The following WDFY4 variants were observed in gnomAD, a reference collection of about 807,000 sequenced individuals.
The protein encoded by WDFY4 is WDFY family member 4, also known as WD repeat- and FYVE domain-containing protein 4.
A neutral mutation model predicts 351.9 loss-of-function variants in WDFY4; 169 were observed. The observed-to-expected ratio is 0.48, with a 90% CI of 0.42 to 0.55. The LOEUF is 0.55. WDFY4 is among the 20% of genes least tolerant of loss of function. The pLI is 0.00. For synonymous variants in WDFY4, 1,622 were observed against 1,574.6 expected, an observed-to-expected ratio of 1.03 and a Z score of -0.71; for missense variants, 3,803 against 3,935.6, an observed-to-expected ratio of 0.97 and a Z score of 0.90.
At chr10:48,916,140 T>C (rs571186470) in intron 47 of WDFY4, among the ~76,000 whole-genome samples, 1 of 152,300 alleles carries the variant, frequency 6.6e-6, no homozygotes, top group East Asian at 1.9e-4. Context: ...AAGAAATCCA[T>C]AACTCAAAGT....
intron 51 of WDFY4, 137 bp downstream of exon 51, chr10:48,947,106 C>A (rs1841086617): frequency 2.7e-6 from 2 of 731,558 alleles, no homozygotes; most frequent in Non-Finnish European, 4.4e-6. Context: ...CAGTGATTCC[C>A]AGTTGACATT....
At chr10:48,893,740 G>A (rs1429522995) in intron 44 of WDFY4, among the ~76,000 whole-genome samples, 2 of 152,158 alleles carry the variant, frequency 1.3e-5, no homozygotes, top group Admixed American at 6.6e-5. Flanking sequence ...GGGCCAAATC[G>A]AAGTATGTTT....
chr10:48,870,976 C>A (rs2069752318), intron 40 of WDFY4, among the ~76,000 whole-genome samples: 1 of 151,966 alleles, frequency 6.6e-6, no homozygotes, highest in Admixed American at 6.6e-5. Context: ...CTCCTTCCCC[C>A]AGGCTGGAGT....
At chr10:48,881,622 A>G (rs1422459513) in intron 43 of WDFY4, among the ~76,000 whole-genome samples, 1 of 152,204 alleles carries the variant, frequency 6.6e-6, no homozygotes, top group Non-Finnish European at 1.5e-5. Flanking sequence ...AGAACATAAG[A>G]AAGCAGGCCC....
intron 47 of WDFY4, among the ~76,000 whole-genome samples, chr10:48,939,225 A>C (rs1290708339): frequency 1.3e-5 from 2 of 152,190 alleles, no homozygotes; most frequent in African/African-American, 4.8e-5. Context: ...TCCTTCCTCC[A>C]AGAGTAGAAA....
In WDFY4 at chr10:48,787,807, C is replaced by CTTCT. The variant is rs1555010320; in HGVS notation, c.3809-722_3809-721insTCTT. ...CCTCTTCCTCCTCCTCCTCCTCCTC[C>CTTCT]TCTTCTTCTTCTTCTTCTTCTTCTT... On this transcript the variant is annotated intron_variant, in intron 20 of 61. Transcript: ENST00000325239. Among the ~76,000 whole-genome samples the CTTCT allele has an allele frequency of 1.8e-3, 135 of 76,732 alleles. 4 individuals carry two copies. The highest frequency in any genetic ancestry group is 0.014 in the Middle Eastern group (2 of 138). The allele number at this position is 76,732 out of a possible 152,430, so 50.3% of individuals were successfully genotyped here.
rs1478392028 is a variant in WDFY4 at position 48,787,950 on chromosome 10, T to TCTC, written c.3809-578_3809-577insCCT. Among the ~76,000 whole-genome samples, 112 of 100,604 alleles carry TCTC rather than the reference T, an allele frequency of 1.1e-3. 2 individuals are homozygous for TCTC. Among genetic ancestry groups the TCTC allele is most frequent in the East Asian group, 0.011 (34 of 3,214 alleles). 66.0% of individuals were successfully genotyped at this position (100,604 alleles called of 152,430 possible). ...TTCTTCTTCTTCTTCTTCTTCTTCT[T>TCTC]CTTCTTCTTCTTCTTCTTCTTCTTC... On this transcript the variant is annotated intron_variant, in intron 20 of 61. Transcript: ENST00000325239.
intron 24 of WDFY4, among the ~76,000 whole-genome samples, chr10:48,802,983 CTT>C (rs1399617690): frequency 1.3e-5 from 2 of 152,330 alleles, no homozygotes; most frequent in East Asian, 3.9e-4. Context: ...AATATGGACA[CTT>C]GGGCTGTGGG....
At chr10:48,928,353 C>CGTGTGT (rs3081490) in intron 47 of WDFY4, among the ~76,000 whole-genome samples, 12,769 of 124,862 alleles carry the variant, frequency 0.1, 847 homozygotes, top group East Asian at 0.16. Flanking sequence ...TTGGTTTTGA[C>CGTGTGT]GTGTGTGTGT....
At chr10:48,819,811 G>A (rs757797360) in intron 32 of WDFY4, among the ~76,000 whole-genome samples, 8 of 152,150 alleles carry the variant, frequency 5.3e-5, no homozygotes, top group African/African-American at 1.7e-4. Flanking sequence ...GATGGGCACC[G>A]ACTCTCTCTG....
intron 7 of WDFY4, 121 bp downstream of exon 7, chr10:48,727,780 C>G: frequency 2.4e-6 from 3 of 1,251,988 alleles, no homozygotes; most frequent in South Asian, 3.1e-5. Context: ...AGAGAGACCT[C>G]TTATTTGCAA....
intron 39 of WDFY4, among the ~76,000 whole-genome samples, chr10:48,858,205 A>G (rs192230382): frequency 2.6e-5 from 4 of 152,260 alleles, no homozygotes; most frequent in Non-Finnish European, 5.9e-5. Flanking sequence ...CGTTGTTCTC[A>G]TGGTTTTGCA....
In WDFY4 at chr10:48,810,686, T is replaced by C; in HGVS notation, c.4995T>C (p.Cys1665=). Residue 1665 remains cysteine, a synonymous_variant, in exon 29 of 62, where the codon TGT becomes TGC. Coordinates refer to ENST00000325239, the MANE Select transcript of WDFY4 (RefSeq NM_001394531.1). ...GCACACGGTTTAGAGATGGCCTGTG[T>C]GCAGGATCCTGGGTGGAACGCAGCA... ...SLRTRFRDGL[C]AGSWVERSTE... The C allele has an allele frequency of 6.4e-7, 1 of 1,551,166 alleles. No individual in the cohort carries two copies. Among genetic ancestry groups the C allele is most frequent in the African/African-American group, 1.4e-5 (1 of 73,114 alleles).
In WDFY4 at chr10:48,972,980, C is replaced by T. The variant is rs368961583; in HGVS notation, c.8929-1882C>T. On this transcript the variant is annotated intron_variant, in intron 57 of 61. Coordinates refer to ENST00000325239, the MANE Select transcript of WDFY4 (RefSeq NM_001394531.1). ...GCTGCTATCTCTTCCTTGATTTCTT[C>T]GGCTCTTGCAAATGGTAGGTGCTGG... Among the ~76,000 whole-genome samples the T allele has an allele frequency of 3.3e-4, 51 of 152,316 alleles. 6 individuals are homozygous for T. Among genetic ancestry groups the T allele is most frequent in the Admixed American group, 1.4e-3 (21 of 15,304 alleles).
At chr10:48,832,099 A>G (rs572874365) in intron 38 of WDFY4, among the ~76,000 whole-genome samples, 4 of 152,394 alleles carry the variant, frequency 2.6e-5, no homozygotes, top group Middle Eastern at 3.4e-3. Context: ...AATAGGATAT[A>G]CATATCCATG....
At chr10:48,811,403 A>G (rs2132921395) in intron 29 of WDFY4, 136 bp from the exon 30 acceptor site, 4 of 716,344 alleles carry the variant, frequency 5.6e-6, no homozygotes, top group Non-Finnish European at 4.6e-6. Flanking sequence ...GCTCCCATCT[A>G]TGTGTGAATA....
chr10:48,702,247 G>T (rs1406542377), intron 1 of WDFY4, among the ~76,000 whole-genome samples: 1 of 152,030 alleles, frequency 6.6e-6, no homozygotes, highest in Non-Finnish European at 1.5e-5. Context: ...AAGAGCCTCA[G>T]AGCAGCTCCA....
intron 1 of WDFY4, among the ~76,000 whole-genome samples, chr10:48,694,089 G>A (rs979755045): frequency 1.3e-5 from 2 of 152,192 alleles, no homozygotes; most frequent in African/African-American, 4.8e-5. Context: ...TCAGCTAAAT[G>A]GGATGATTGT....
Position 48,969,183 on chromosome 10 carries a change from A to G in WDFY4, c.8704A>G (p.Asn2902Asp). 1.3e-6 allele frequency: 2 copies of G among 1,551,662 alleles called. No homozygotes were observed. The highest frequency in any genetic ancestry group is 1.7e-6 in the Non-Finnish European group (2 of 1,146,964). The change falls in exon 56 of 62, where the codon AAC becomes GAC. Residue 2902 changes from asparagine (N) to aspartate (D), a missense_variant. By Grantham distance (23) the Asn-to-Asp change is conservative. Around this residue, in one of 3 missense-constraint regions of WDFY4, gnomAD observed 3,054 missense variants for 3,148.6 expected, o/e 0.97. Transcript: ENST00000325239. ...RNKVLLPPLW[N>D]RTFSWGFDDF... ...CAAAGTGCTGCTGCCTCCTCTCTGG[A>G]ACAGGACCTTCAGCTGGGGCTTTGA...
Sources: gnomAD v4.1 joint callset for allele counts (sites outside exome capture counted in the v4.1 genomes callset) on GRCh38, gnomAD v4.1.1 for gene constraint, gnomAD v4.1.1 regional missense constraint, MANE v1.5 for transcripts, NCBI Gene and HGNC (gene_info 2026-07-23, HGNC 2026-07-21) for gene names.